Variants in PDE6C observed in about 807,000 individuals in gnomAD.
The protein encoded by PDE6C is phosphodiesterase 6C, also known as cone cGMP-specific 3',5'-cyclic phosphodiesterase subunit alpha'.
Under a neutral mutation model 113.1 loss-of-function variants are expected in PDE6C, and 75 were observed. The observed-to-expected ratio is 0.66, with a 90% CI of 0.55 to 0.80. The LOEUF is 0.80. Ranked by LOEUF, PDE6C falls within the 30% of genes least tolerant of loss-of-function variation. The pLI is 0.00. For synonymous variants in PDE6C, 375 were observed against 363.7 expected (o/e 1.03, Z -0.35); for missense variants, 912 against 1,038.6 (o/e 0.88, Z 1.67).
chr10:93,642,736 C>A lies in PDE6C; in HGVS notation c.1847+1707C>A, dbSNP rs1258673679. On this transcript the variant is annotated intron_variant, in intron 14 of 21. Transcript: ENST00000371447. ...TTGTTGTGAGAATCCAGTGAAATTA[C>A]ATATGTGAAACCTACTTGAGAAAGT... 3.9e-5 allele frequency among the ~76,000 whole-genome samples: 6 copies of A among 152,234 alleles called. No individual in the cohort carries two copies. The East Asian group carries it at 1.2e-3, about 29-fold the overall frequency.
chr10:93,636,394 G>GTGTGTA (rs2058530980), intron 10 of PDE6C, among the ~76,000 whole-genome samples: 1 of 148,060 alleles, frequency 6.8e-6, no homozygotes. Context: ...GTGTGTGTGT[G>GTGTGTA]TGTGTGTGTG....
At chr10:93,619,391 C>T (rs2058434641) in intron 1 of PDE6C, among the ~76,000 whole-genome samples, 1 of 152,172 alleles carries the variant, frequency 6.6e-6, no homozygotes, top group African/African-American at 2.4e-5. Flanking sequence ...TCCTTTCACA[C>T]AGGGTCAGTG....
chr10:93,613,169 C>T lies in PDE6C; in HGVS notation c.444C>T (p.His148=), dbSNP rs751247637. The T allele has an allele frequency of 1.9e-6, 3 of 1,613,752 alleles. No homozygotes were observed. Among genetic ancestry groups the T allele is most frequent in the Non-Finnish European group, 2.5e-6 (3 of 1,180,030 alleles). The change falls in exon 1 of 22, where the codon CAC becomes CAT. Residue 148 remains histidine, a synonymous_variant. Transcript: ENST00000371447. ...LDIGIVGWAA[H]TKKTHNVPDV... is the part of the protein sequence containing the mutation. ...TTGGGATAGTGGGTTGGGCTGCTCA[C>T]ACGAAGAAAACTCATAATGTCCCAG...
intron 8 of PDE6C, among the ~76,000 whole-genome samples, chr10:93,631,547 C>T (rs189369091): frequency 1.3e-3 from 196 of 151,970 alleles, no homozygotes; most frequent in African/African-American, 4.4e-3. Context: ...TGCAAAGGGT[C>T]GGGACTGCAT....
chr10:93,650,137 A>G (rs912421723), intron 15 of PDE6C, among the ~76,000 whole-genome samples: 1 of 152,210 alleles, frequency 6.6e-6, no homozygotes, highest in East Asian at 1.9e-4. Flanking sequence ...AAGTGCAATC[A>G]CACAATTAGC....
intron 4 of PDE6C, among the ~76,000 whole-genome samples, chr10:93,624,736 G>A (rs1479362096): frequency 6.6e-6 from 1 of 152,132 alleles, no homozygotes; most frequent in Non-Finnish European, 1.5e-5. Flanking sequence ...CTAACAATAT[G>A]ATATTTATTC....
intron 12 of PDE6C, 97 bp downstream of exon 12, chr10:93,640,313 AATT>A (rs1254467976): frequency 9.7e-6 from 13 of 1,344,536 alleles, no homozygotes; most frequent in Middle Eastern, 2.0e-4. Flanking sequence ...TTGAATTTTA[AATT>A]ATTATTAACT....
chr10:93,664,600 ATTTAACC>A (rs1178507195), intron 21 of PDE6C, among the ~76,000 whole-genome samples: 1 of 152,216 alleles, frequency 6.6e-6, no homozygotes, highest in Non-Finnish European at 1.5e-5. Context: ...GTACTATTAG[ATTTAACC>A]TTTATCTCAA....
At position 93,636,059 on chromosome 10, in the gene PDE6C, C is replaced by A. The variant is rs1396140741; in HGVS notation, c.1413+419C>A. ...GATTGACAGTGGCTGGACTTGGCTC[C>A]AAGCTATGAATTTGGTTTGCTCTAT... is the stretch of plus-strand genomic sequence containing the variant. On this transcript the variant is annotated intron_variant, in intron 10 of 21. Transcript: ENST00000371447. Among the ~76,000 whole-genome samples the A allele has an allele frequency of 9.2e-5, 14 of 152,156 alleles. No homozygotes were observed. The East Asian group carries it at 1.7e-3, about 19-fold the overall frequency.
intron 7 of PDE6C, 96 bp from the exon 8 acceptor site, chr10:93,629,162 C>A (rs1201955996): frequency 2.0e-6 from 2 of 1,008,528 alleles, no homozygotes; most frequent in Non-Finnish European, 3.2e-6. Context: ...TGTAGAAAAT[C>A]CTCACTCCCA....
chr10:93,661,211 G>C (rs886595529), intron 18 of PDE6C, among the ~76,000 whole-genome samples: 1 of 152,084 alleles, frequency 6.6e-6, no homozygotes, highest in African/African-American at 2.4e-5. Context: ...GTCACTGCCT[G>C]TCCTCAACTC....
intron 8 of PDE6C, among the ~76,000 whole-genome samples, chr10:93,631,579 G>C (rs1325240956): frequency 6.6e-6 from 1 of 151,514 alleles, no homozygotes; most frequent in Non-Finnish European, 1.5e-5. Flanking sequence ...GTCTCTCTCA[G>C]CACCCCCAGC....
At chr10:93,623,231 T>C (rs1186772489) in intron 4 of PDE6C, among the ~76,000 whole-genome samples, 3 of 152,230 alleles carry the variant, frequency 2.0e-5, no homozygotes, top group Non-Finnish European at 1.5e-5. Context: ...GTTGAGCATC[T>C]TCTCATATGT....
intron 18 of PDE6C, among the ~76,000 whole-genome samples, chr10:93,661,398 T>C (rs2058665213): frequency 6.6e-6 from 1 of 152,214 alleles, no homozygotes; most frequent in Admixed American, 6.5e-5. Context: ...CCTCCTTCCT[T>C]CATGAAACTT....
chr10:93,644,780 GTA>G (rs138885149), intron 14 of PDE6C, among the ~76,000 whole-genome samples: 21 of 142,932 alleles, frequency 1.5e-4, no homozygotes, highest in Middle Eastern at 3.6e-3. Context: ...TGTGGTGCGT[GTA>G]TATATATATA....
chr10:93,658,169 C>CAAAAAAAAAAAAAAAAAAAAAAAAAAAA (rs71031527), intron 16 of PDE6C, among the ~76,000 whole-genome samples: 1 of 59,890 alleles, frequency 1.7e-5, no homozygotes, highest in African/African-American at 6.3e-5. Flanking sequence ...GATTCTGTCT[C>CAAAAAAAAAAAAAAAAAAAAAAAAAAAA]AAAAAAAAAA....
At chr10:93,664,424 G>A (rs181185326) in intron 21 of PDE6C, among the ~76,000 whole-genome samples, 3 of 152,306 alleles carry the variant, frequency 2.0e-5, no homozygotes, top group African/African-American at 4.8e-5. Flanking sequence ...AGAGTGCGAA[G>A]TACATATGAA....
At chr10:93,653,186 T>G (rs1182367939) in intron 15 of PDE6C, among the ~76,000 whole-genome samples, 1 of 152,124 alleles carries the variant, frequency 6.6e-6, no homozygotes, top group Non-Finnish European at 1.5e-5. Context: ...AGGCCACCAT[T>G]GTTCCAAAAT....
intron 20 of PDE6C, among the ~76,000 whole-genome samples, 188 bp from the exon 21 acceptor site, chr10:93,662,840 G>A (rs1489464227): frequency 6.6e-6 from 1 of 152,118 alleles, no homozygotes; most frequent in Non-Finnish European, 1.5e-5. Context: ...TGAGCGAACT[G>A]AACACTTCCT....
Sources: allele counts gnomAD v4.1 joint callset (sites outside exome capture counted in the v4.1 genomes callset), GRCh38; gene constraint gnomAD v4.1.1; transcripts MANE v1.5; gene names NCBI Gene and HGNC (gene_info 2026-07-23, HGNC 2026-07-21).